Variants in AHCYL2 observed in about 807,000 individuals in gnomAD.
AHCYL2 encodes the protein adenosylhomocysteinase like 2, also known as S-adenosylhomocysteine hydrolase-like protein 2.
A neutral mutation model predicts 81.4 loss-of-function variants in AHCYL2; 28 were observed. The ratio of observed to expected loss-of-function variants is 0.34; its 90% CI spans 0.25 to 0.47. AHCYL2 has a LOEUF of 0.47. AHCYL2 is among the 20% of genes least tolerant of loss of function. The pLI is 1.00. For missense variants in AHCYL2, 551 were observed against 785.1 expected, an observed-to-expected ratio of 0.70 and a Z score of 3.56; for synonymous variants, 272 against 290.2, an observed-to-expected ratio of 0.94 and a Z score of 0.64.
chr7:129,268,881 AT>A, intron 1 of AHCYL2, among the ~76,000 whole-genome samples: 1 of 152,022 alleles, frequency 6.6e-6, no homozygotes, highest in East Asian at 1.9e-4. Context: ...TCAGTGAGTG[AT>A]TTTTTTTCAT....
Position 129,297,429 on chromosome 7 carries a change from C to T in AHCYL2, c.363+71990C>T, listed in dbSNP as rs1269934537. On this transcript the variant is annotated intron_variant, in intron 1 of 16. Coordinates refer to ENST00000325006, the MANE Select transcript of AHCYL2 (RefSeq NM_015328.4). ...ACTGTTGGGAGCTTTGGAAAACTAG[C>T]GAACAGCTCCAGAGCACTGGTGCTT... Among the ~76,000 whole-genome samples the T allele has an allele frequency of 2.6e-5, 4 of 152,100 alleles. No individual in the cohort carries two copies. The East Asian group carries it at 7.7e-4, about 29-fold the overall frequency.
intron 1 of AHCYL2, among the ~76,000 whole-genome samples, chr7:129,377,959 T>C (rs2150880469): frequency 6.6e-6 from 1 of 152,334 alleles, no homozygotes; most frequent in South Asian, 2.1e-4. Flanking sequence ...CTATTATAGT[T>C]AATGATCAAT....
rs533704274 is a variant in AHCYL2, at chr7:129,252,448, T to C, written c.363+27009T>C. On this transcript the variant is annotated intron_variant, in intron 1 of 16. Coordinates refer to ENST00000325006, the MANE Select transcript of AHCYL2 (RefSeq NM_015328.4). The stretch of plus-strand genomic sequence containing the variant: ...TACTTGTAGTTTTTACTGTTTGGTA[T>C]TCTCTTCTCAGAATTGTTCTTTATA... Among the ~76,000 whole-genome samples the C allele has an allele frequency of 2.6e-5, 4 of 152,362 alleles. No homozygotes were observed. The South Asian group carries it at 8.3e-4, about 32-fold the overall frequency.
Position 129,299,383 on chromosome 7 carries a change from T to G in AHCYL2, c.363+73944T>G, listed in dbSNP as rs1461248616. ...GAGTCCAACTTGTTTTTTTTTTTTTTTTTTTTTTTTTTTTTTTTTTTTTTT... is the reference window on the plus strand; with the variant it reads ...GAGTCCAACTTGTTTTTTTTTTTTTGTTTTTTTTTTTTTTTTTTTTTTTTT... On this transcript the variant is annotated intron_variant, in intron 1 of 16. Transcript: ENST00000325006. Among the ~76,000 whole-genome samples the G allele has an allele frequency of 1.5e-4, 6 of 39,634 alleles. No homozygotes were observed. The South Asian group carries it at 3.4e-3, about 23-fold the overall frequency. 26.0% of individuals were successfully genotyped at this position (39,634 alleles called of 152,430 possible).
intron 1 of AHCYL2, among the ~76,000 whole-genome samples, chr7:129,340,773 T>A (rs1793151987): frequency 6.6e-6 from 1 of 152,228 alleles, no homozygotes; most frequent in Non-Finnish European, 1.5e-5. Context: ...ATTGAGATCA[T>A]ATGATATTTT....
At chr7:129,416,759 C>T (rs1796872876) in intron 12 of AHCYL2, among the ~76,000 whole-genome samples, 4 of 152,004 alleles carry the variant, frequency 2.6e-5, no homozygotes, top group Admixed American at 2.6e-4. Flanking sequence ...AAGATCGCAC[C>T]ATTGCACTCC....
chr7:129,246,925 A>G (rs1812598159), intron 1 of AHCYL2, among the ~76,000 whole-genome samples: 1 of 152,238 alleles, frequency 6.6e-6, no homozygotes, highest in South Asian at 2.1e-4. Context: ...ATTGCTGAGT[A>G]GTATTTCATT....
At chr7:129,304,946 G>C (rs747230910) in intron 1 of AHCYL2, among the ~76,000 whole-genome samples, 3 of 145,380 alleles carry the variant, frequency 2.1e-5, no homozygotes, top group Non-Finnish European at 4.5e-5. Context: ...TTTTTTTTTT[G>C]GTCTTCTCTT....
intron 1 of AHCYL2, among the ~76,000 whole-genome samples, chr7:129,336,909 G>T (rs1798622715): frequency 6.6e-6 from 1 of 152,050 alleles, no homozygotes; most frequent in African/African-American, 2.4e-5. Flanking sequence ...ACCGTGCCTG[G>T]CTAATTTTTA....
chr7:129,358,401 CAAA>C (rs34071272), intron 1 of AHCYL2, among the ~76,000 whole-genome samples: 2 of 138,462 alleles, frequency 1.4e-5, no homozygotes, highest in Non-Finnish European at 3.2e-5. Flanking sequence ...CACACACACA[CAAA>C]AAAAAAAACA....
chr7:129,253,598 A>T (rs1299543141), intron 1 of AHCYL2, among the ~76,000 whole-genome samples: 1 of 152,194 alleles, frequency 6.6e-6, no homozygotes, highest in Admixed American at 6.5e-5. Context: ...CAGAGTTATA[A>T]GGTTGTAATT....
intron 1 of AHCYL2, among the ~76,000 whole-genome samples, chr7:129,287,112 A>T (rs532019644): frequency 6.6e-6 from 1 of 152,294 alleles, no homozygotes; most frequent in East Asian, 1.9e-4. Context: ...AAACTGTTGG[A>T]TTCTCGTATC....
At chr7:129,379,593 A>G (rs1229431702) in intron 1 of AHCYL2, 45 bp from the exon 2 acceptor site, 1 of 1,481,246 alleles carries the variant, frequency 6.8e-7, no homozygotes, top group Non-Finnish European at 9.3e-7. Context: ...GCTGTCTCAA[A>G]ATGGAGGTTC....
intron 1 of AHCYL2, among the ~76,000 whole-genome samples, chr7:129,291,897 G>A (rs767195037): frequency 1.6e-4 from 25 of 152,126 alleles, no homozygotes; most frequent in East Asian, 9.6e-4. Flanking sequence ...GAGCCACTGC[G>A]CCCGGCCCAA....
intron 12 of AHCYL2, 74 bp from the exon 13 acceptor site, chr7:129,422,766 C>A: frequency 7.5e-7 from 1 of 1,338,256 alleles, no homozygotes; most frequent in Non-Finnish European, 1.1e-6. Flanking sequence ...TTTGAAATGG[C>A]TCCCTTCAAC....
At chr7:129,290,330 G>A (rs1181336615) in intron 1 of AHCYL2, among the ~76,000 whole-genome samples, 3 of 151,394 alleles carry the variant, frequency 2.0e-5, no homozygotes, top group Admixed American at 6.6e-5. Flanking sequence ...GTGAAACCCT[G>A]TCTCTACTAA....
At chr7:129,258,107 C>G (rs1795485751) in intron 1 of AHCYL2, among the ~76,000 whole-genome samples, 1 of 152,106 alleles carries the variant, frequency 6.6e-6, no homozygotes, top group African/African-American at 2.4e-5. Flanking sequence ...CAGATCAGTA[C>G]CCCTGTGTCT....
chr7:129,299,369 G>GTTTTTTTT lies in AHCYL2; in HGVS notation c.363+73965_363+73972dup, dbSNP rs71162592. The stretch of plus-strand genomic sequence containing the variant: ...AGGCTGAGGTGGGAGAGTCCAACTT[G>GTTTTTTTT]TTTTTTTTTTTTTTTTTTTTTTTTT... On this transcript the variant is annotated intron_variant, in intron 1 of 16. Transcript: ENST00000325006. Among the ~76,000 whole-genome samples, 38 of 46,306 alleles carry GTTTTTTTT rather than the reference G, an allele frequency of 8.2e-4. 8 individuals are homozygous for GTTTTTTTT. Among genetic ancestry groups the GTTTTTTTT allele is most frequent in the East Asian group, 1.8e-3 (2 of 1,104 alleles). The allele number at this position is 46,306 out of a possible 152,430, so 30.4% of individuals were successfully genotyped here. A position where few individuals can be genotyped will look rare whatever the true frequency, so the allele number is the denominator to read the frequency against.
At chr7:129,376,856 T>C (rs1201020639) in intron 1 of AHCYL2, among the ~76,000 whole-genome samples, 2 of 152,240 alleles carry the variant, frequency 1.3e-5, no homozygotes, top group Non-Finnish European at 2.9e-5. Flanking sequence ...AATAAAGACA[T>C]GTGACTGTTT....
Sources: allele counts gnomAD v4.1 joint callset (sites outside exome capture counted in the v4.1 genomes callset), GRCh38; gene constraint gnomAD v4.1.1; transcripts MANE v1.5; gene names NCBI Gene and HGNC (gene_info 2026-07-23, HGNC 2026-07-21).